The following SPMIP2 variants were observed in gnomAD, a reference collection of about 807,000 sequenced individuals.
The protein encoded by SPMIP2 is sperm microtubule inner protein 2.
the SPMIP2 span, among the ~76,000 whole-genome samples, chr4:159,037,730 A>C: frequency 6.6e-6 from 1 of 151,416 alleles, no homozygotes; most frequent in East Asian, 1.9e-4. Flanking sequence ...CTGTGATCAT[A>C]CCACTGCACT....
At chr4:159,071,982 C>G in the SPMIP2 span, among the ~76,000 whole-genome samples, 2 of 152,158 alleles carry the variant, frequency 1.3e-5, no homozygotes, top group South Asian at 4.1e-4. Context: ...CTTCTAAGTT[C>G]CAAATGAATT....
At chr4:158,978,174 T>G in the SPMIP2 span, among the ~76,000 whole-genome samples, 5 of 152,206 alleles carry the variant, frequency 3.3e-5, no homozygotes, top group Non-Finnish European at 7.3e-5. Flanking sequence ...ATTTCGTTAT[T>G]TACCCAGTAG....
At chr4:158,969,991 G>A in the SPMIP2 span, among the ~76,000 whole-genome samples, 3 of 152,188 alleles carry the variant, frequency 2.0e-5, no homozygotes, top group Non-Finnish European at 4.4e-5. Context: ...ACTGGAGAAC[G>A]AACAGGAAGT....
the SPMIP2 span, among the ~76,000 whole-genome samples, chr4:158,955,481 T>G: frequency 6.6e-6 from 1 of 152,248 alleles, no homozygotes; most frequent in African/African-American, 2.4e-5. Context: ...CTCAGCTCAC[T>G]GCAACCTCCA....
At chr4:158,900,672 C>T in the SPMIP2 span, among the ~76,000 whole-genome samples, 1 of 151,930 alleles carries the variant, frequency 6.6e-6, no homozygotes, top group Non-Finnish European at 1.5e-5. Flanking sequence ...CTTTTTTTCA[C>T]TTTCCATTTG....
the SPMIP2 span, chr4:158,904,384 A>T: frequency 8.0e-7 from 1 of 1,253,426 alleles, no homozygotes; most frequent in Non-Finnish European, 1.2e-6. Context: ...TAGAAATAAT[A>T]CTTTCTCATA....
At chr4:158,951,426 G>A in the SPMIP2 span, among the ~76,000 whole-genome samples, 1 of 152,182 alleles carries the variant, frequency 6.6e-6, no homozygotes, top group Admixed American at 6.5e-5. Flanking sequence ...AAGTATTTGT[G>A]TATCTAGACA....
At chr4:158,986,568 A>G in the SPMIP2 span, among the ~76,000 whole-genome samples, 12 of 152,024 alleles carry the variant, frequency 7.9e-5, no homozygotes, top group African/African-American at 1.2e-4. Flanking sequence ...TGGGAAAACT[A>G]GCTAGCCATA....
the SPMIP2 span, among the ~76,000 whole-genome samples, chr4:159,069,561 A>T: frequency 6.6e-6 from 1 of 151,434 alleles, no homozygotes; most frequent in African/African-American, 2.4e-5. Context: ...CAGCCTCCCA[A>T]ATATTTGGGA....
the SPMIP2 span, among the ~76,000 whole-genome samples, chr4:158,956,767 C>T: frequency 1.3e-5 from 2 of 152,134 alleles, no homozygotes; most frequent in Non-Finnish European, 2.9e-5. Flanking sequence ...CTCTTCTTTT[C>T]TCCATTTACT....
At chr4:159,071,857 A>G in the SPMIP2 span, among the ~76,000 whole-genome samples, 1 of 152,196 alleles carries the variant, frequency 6.6e-6, no homozygotes, top group Admixed American at 6.5e-5. Flanking sequence ...GCTTTCCCAC[A>G]AAAACAACAG....
At chr4:159,077,907 G>A in the SPMIP2 span, among the ~76,000 whole-genome samples, 1 of 152,106 alleles carries the variant, frequency 6.6e-6, no homozygotes, top group South Asian at 2.1e-4. Flanking sequence ...ATGCTATTAC[G>A]GTAGCAAACA....
At chr4:159,024,122 T>C in the SPMIP2 span, among the ~76,000 whole-genome samples, 1 of 152,192 alleles carries the variant, frequency 6.6e-6, no homozygotes, top group Non-Finnish European at 1.5e-5. Context: ...TCTCCTGCAA[T>C]CCTGTCCTTT....
At chr4:158,977,258 A>G in the SPMIP2 span, among the ~76,000 whole-genome samples, 206 of 152,150 alleles carry the variant, frequency 1.4e-3, 2 homozygotes, top group African/African-American at 4.7e-3. Context: ...ATTAATTACT[A>G]CCTCAATTTC....
At chr4:159,024,285 G>C in the SPMIP2 span, among the ~76,000 whole-genome samples, 2 of 152,162 alleles carry the variant, frequency 1.3e-5, no homozygotes, top group Non-Finnish European at 2.9e-5. Context: ...ACTTTTCCCT[G>C]AGGTATATTT....
chr4:159,020,412 T>C, the SPMIP2 span, among the ~76,000 whole-genome samples: 7 of 152,284 alleles, frequency 4.6e-5, no homozygotes, highest in East Asian at 1.4e-3. Flanking sequence ...ACGGTTATGG[T>C]AGAAGTTGTC....
At chr4:158,927,728 T>G in the SPMIP2 span, among the ~76,000 whole-genome samples, 2 of 152,254 alleles carry the variant, frequency 1.3e-5, no homozygotes, top group Non-Finnish European at 2.9e-5. Context: ...GAACCCGGGC[T>G]GCGCAAGGTG....
the SPMIP2 span, among the ~76,000 whole-genome samples, chr4:159,017,763 G>C: frequency 2.0e-5 from 3 of 152,212 alleles, no homozygotes; most frequent in African/African-American, 7.2e-5. Context: ...CAACACCAGT[G>C]CAGGAAAGTG....
At chr4:159,025,339 AT>A in the SPMIP2 span, among the ~76,000 whole-genome samples, 3 of 152,110 alleles carry the variant, frequency 2.0e-5, no homozygotes, top group Non-Finnish European at 4.4e-5. Context: ...TAATTTTTAT[AT>A]TTTTAGCAGA....
Sources: allele counts gnomAD v4.1 joint callset (sites outside exome capture counted in the v4.1 genomes callset), GRCh38; gene constraint gnomAD v4.1.1; transcripts MANE v1.5; gene names NCBI Gene and HGNC (gene_info 2026-07-23, HGNC 2026-07-21).